LIMCH1: variants seen among roughly 807,000 people sequenced by gnomAD.
LIMCH1 encodes LIM and calponin homology domains-containing protein 1.
In LIMCH1, 113 loss-of-function variants were observed where a neutral mutation model predicts 176.5. The observed-to-expected ratio is 0.64, with a 90% CI of 0.55 to 0.75. The LOEUF is 0.75. Among genes scored for constraint, LIMCH1 ranks in the 30% least tolerant of loss-of-function variants. LIMCH1 has a pLI of 0.00. For synonymous variants in LIMCH1, 619 were observed against 645.9 expected (o/e 0.96, Z 0.63); for missense variants, 1,674 against 1,814.9 (o/e 0.92, Z 1.41).
At chr4:41,392,940 G>A (rs1196798198) in intron 1 of LIMCH1, among the ~76,000 whole-genome samples, 1 of 152,096 alleles carries the variant, frequency 6.6e-6, no homozygotes, top group Non-Finnish European at 1.5e-5. Context: ...GCTGAGGCAG[G>A]AATCACTTGA....
At chr4:41,411,819 G>T (rs564961251) in intron 1 of LIMCH1, among the ~76,000 whole-genome samples, 30 of 151,762 alleles carry the variant, frequency 2.0e-4, no homozygotes, top group African/African-American at 7.3e-4. Flanking sequence ...TTAGCCCGGC[G>T]TGGTGGCAGG....
intron 1 of LIMCH1, among the ~76,000 whole-genome samples, chr4:41,491,169 G>T (rs1232753019): frequency 2.0e-5 from 3 of 148,512 alleles, no homozygotes; most frequent in Admixed American, 2.0e-4. Flanking sequence ...GGGGCGGCCG[G>T]GCAGAGGTGC....
At chr4:41,603,524 G>A (rs1446896698) in intron 2 of LIMCH1, among the ~76,000 whole-genome samples, 1 of 152,164 alleles carries the variant, frequency 6.6e-6, no homozygotes, top group Non-Finnish European at 1.5e-5. Context: ...TCGGATTTCA[G>A]TTTGACGGTG....
intron 1 of LIMCH1, chr4:41,361,030 C>T (rs902663930): frequency 2.7e-5 from 21 of 772,020 alleles, no homozygotes; most frequent in Non-Finnish European, 4.1e-5. Flanking sequence ...TGCCTCCCCC[C>T]AACCGCCCCC....
At chr4:41,584,513 T>G (rs2086097134) in intron 1 of LIMCH1, among the ~76,000 whole-genome samples, 1 of 152,102 alleles carries the variant, frequency 6.6e-6, no homozygotes, top group Non-Finnish European at 1.5e-5. Flanking sequence ...AAAAGCTGAG[T>G]TAAAATTAAG....
chr4:41,408,316 G>A (rs12649242), intron 1 of LIMCH1, among the ~76,000 whole-genome samples: 87,276 of 152,020 alleles, frequency 0.57, 28,163 homozygotes, highest in East Asian at 0.82. Flanking sequence ...TAAAAGACTC[G>A]CCCTGAGAAA....
At chr4:41,477,880 A>G (rs1301795997) in intron 1 of LIMCH1, among the ~76,000 whole-genome samples, 2 of 152,222 alleles carry the variant, frequency 1.3e-5, no homozygotes, top group East Asian at 3.8e-4. Flanking sequence ...GTGTTCATTT[A>G]AAAATATACC....
chr4:41,481,571 A>G (rs1006515391), intron 1 of LIMCH1, among the ~76,000 whole-genome samples: 1 of 152,216 alleles, frequency 6.6e-6, no homozygotes, highest in African/African-American at 2.4e-5. Context: ...CTGGAGTGGA[A>G]GCAGAGAGAT....
chr4:41,583,925 G>T lies in LIMCH1; in HGVS notation c.-240-14995G>T, dbSNP rs370270526. Among the ~76,000 whole-genome samples the T allele has an allele frequency of 1.6e-4, 24 of 151,510 alleles. No homozygotes were observed. In the East Asian group the frequency reaches 2.7e-3, roughly 17 times the overall value. On this transcript the variant is annotated intron_variant, in intron 1 of 31. Coordinates refer to ENST00000503057, the MANE Select transcript of LIMCH1 (RefSeq NM_001330672.2). ...CGAAATTACTTCAGGTTTGTTTTGG[G>T]TTTTTTTTTATTTTGTGGTGTTTCC...
chr4:41,635,927 A>G (rs563242629), intron 13 of LIMCH1, among the ~76,000 whole-genome samples: 1 of 152,146 alleles, frequency 6.6e-6, no homozygotes, highest in African/African-American at 2.4e-5. Context: ...ACTTTATTTT[A>G]TTTTTTTGAG....
chr4:41,617,183 A>G (rs1002055406), intron 5 of LIMCH1, among the ~76,000 whole-genome samples: 4 of 152,174 alleles, frequency 2.6e-5, no homozygotes, highest in African/African-American at 7.2e-5. Flanking sequence ...ATCCATCACT[A>G]AGCTTTCATA....
In LIMCH1 at chr4:41,520,210, A is replaced by G. The variant is rs577712197; in HGVS notation, c.168-4199A>G. Among the ~76,000 whole-genome samples, 23 of 152,288 alleles carry G rather than the reference A, an allele frequency of 1.5e-4. No individual in the cohort carries two copies. In the South Asian group the frequency reaches 2.3e-3, roughly 15 times the overall value. ...TCTTACCTGGGCCTGGATTTTGCTT[A>G]CACCTTGGCCATCTTGTCCCAGACC... On this transcript the variant is annotated intron_variant, in intron 2 of 26. Transcript: ENST00000313860.
chr4:41,447,377 A>T (rs184646768), intron 1 of LIMCH1, among the ~76,000 whole-genome samples: 98 of 152,346 alleles, frequency 6.4e-4, no homozygotes, highest in Non-Finnish European at 5.1e-4. Context: ...TAACAGGATC[A>T]CTGTTCTTGT....
At chr4:41,412,489 A>C (rs962324278) in intron 1 of LIMCH1, among the ~76,000 whole-genome samples, 2 of 152,206 alleles carry the variant, frequency 1.3e-5, no homozygotes, top group African/African-American at 4.8e-5. Flanking sequence ...ATAGGGGGAA[A>C]TAGAGGTAAA....
intron 22 of LIMCH1, among the ~76,000 whole-genome samples, chr4:41,671,928 G>C (rs895127797): frequency 7.2e-6 from 1 of 139,356 alleles, no homozygotes; most frequent in Non-Finnish European, 1.5e-5. Context: ...CCAAAATTGA[G>C]ACCCAAACAA....
chr4:41,530,827 T>C (rs2077206949), intron 3 of LIMCH1, among the ~76,000 whole-genome samples: 1 of 134,622 alleles, frequency 7.4e-6, no homozygotes, highest in Non-Finnish European at 1.6e-5. Flanking sequence ...AAATTTTTTT[T>C]TTTTTTTTTT....
intron 1 of LIMCH1, among the ~76,000 whole-genome samples, chr4:41,550,957 A>T (rs1260836721): frequency 6.6e-6 from 1 of 152,220 alleles, no homozygotes; most frequent in Non-Finnish European, 1.5e-5. Flanking sequence ...ATGATTAATT[A>T]CAAAGCTTTT....
intron 1 of LIMCH1, among the ~76,000 whole-genome samples, chr4:41,394,252 C>T (rs995375278): frequency 4.6e-5 from 7 of 152,206 alleles, no homozygotes; most frequent in Middle Eastern, 6.8e-3. Flanking sequence ...CGTTAAGGAA[C>T]GAACACTTTC....
chr4:41,625,342 GA>G (rs995143879), intron 7 of LIMCH1, among the ~76,000 whole-genome samples: 16 of 149,952 alleles, frequency 1.1e-4, no homozygotes, highest in East Asian at 1.9e-4. Flanking sequence ...GTCCTTCAAA[GA>G]AAAAAAAAGC....
Sources: gnomAD v4.1 joint callset for allele counts (sites outside exome capture counted in the v4.1 genomes callset) on GRCh38, gnomAD v4.1.1 for gene constraint, MANE v1.5 for transcripts, NCBI Gene and HGNC (gene_info 2026-07-23, HGNC 2026-07-21) for gene names.